MTUS2: variants seen among roughly 807,000 people sequenced by gnomAD.
MTUS2 encodes microtubule associated scaffold protein 2.
A neutral mutation model predicts 114.1 loss-of-function variants in MTUS2; 40 were observed. The ratio of observed to expected loss-of-function variants is 0.35; its 90% CI spans 0.27 to 0.46. The LOEUF is 0.46. Among genes scored for constraint, MTUS2 ranks in the 20% least tolerant of loss-of-function variants. MTUS2 has a pLI of 1.00. For missense variants in MTUS2, 1,679 were observed against 1,705.4 expected (o/e 0.98, Z 0.27); for synonymous variants, 688 against 672.0 (o/e 1.02, Z -0.37).
intron 2 of MTUS2, among the ~76,000 whole-genome samples, chr13:28,850,390 G>C (rs1362748205): frequency 6.6e-6 from 1 of 152,154 alleles, no homozygotes; most frequent in African/African-American, 2.4e-5. Context: ...TTGGCTCGTG[G>C]CAAGTTCAGG....
chr13:29,213,734 T>G (rs1398569766), intron 5 of MTUS2, among the ~76,000 whole-genome samples: 2 of 152,214 alleles, frequency 1.3e-5, no homozygotes, highest in Non-Finnish European at 2.9e-5. Flanking sequence ...TAAGTAGGCT[T>G]CTTATAGGCC....
chr13:29,169,814 A>G (rs1893477733), intron 5 of MTUS2, among the ~76,000 whole-genome samples: 1 of 152,162 alleles, frequency 6.6e-6, no homozygotes, highest in African/African-American at 2.4e-5. Flanking sequence ...AGCCACACCT[A>G]CAGGAGGTAA....
chr13:28,945,259 A>G (rs1882465526), intron 2 of MTUS2, among the ~76,000 whole-genome samples: 1 of 150,534 alleles, frequency 6.6e-6, no homozygotes, highest in Non-Finnish European at 1.5e-5. Flanking sequence ...TATCTTTGCT[A>G]TTGTGAATAG....
At chr13:28,828,112 T>C (rs1474251023) in intron 1 of MTUS2, among the ~76,000 whole-genome samples, 1 of 152,152 alleles carries the variant, frequency 6.6e-6, no homozygotes. Flanking sequence ...AAAGTGGCCA[T>C]TTCAGAGACC....
In MTUS2 at chr13:29,006,401, C is replaced by T. The variant is rs190108177; in HGVS notation, c.-242-18056C>T. Among the ~76,000 whole-genome samples the T allele has an allele frequency of 8.1e-4, 123 of 152,258 alleles. 1 individual carries two copies. The highest frequency in any genetic ancestry group is 3.4e-3 in the Middle Eastern group (1 of 292). On this transcript the variant is annotated intron_variant, in intron 2 of 15. Transcript: ENST00000612955. Reference sequence around the variant, plus strand: ...TAATGCAGTGACATAATATATACTCCGTTTATTTAGTAACCCCCCTATGGA... The same window carrying T: ...TAATGCAGTGACATAATATATACTCTGTTTATTTAGTAACCCCCCTATGGA...
chr13:29,288,321 G>A (rs952783937), intron 6 of MTUS2, among the ~76,000 whole-genome samples: 2 of 152,180 alleles, frequency 1.3e-5, no homozygotes, highest in African/African-American at 2.4e-5. Context: ...ACCAAAATGG[G>A]AGCAGCAGAT....
At chr13:28,876,817 A>T (rs533831273) in intron 2 of MTUS2, among the ~76,000 whole-genome samples, 19 of 152,300 alleles carry the variant, frequency 1.2e-4, no homozygotes, top group African/African-American at 3.8e-4. Context: ...AATGTTCCTT[A>T]TCCTCTTTGT....
At chr13:29,224,332 A>T (rs531731900) in intron 5 of MTUS2, among the ~76,000 whole-genome samples, 1 of 151,822 alleles carries the variant, frequency 6.6e-6, no homozygotes, top group South Asian at 2.1e-4. Flanking sequence ...AGTGCTTTAC[A>T]TTTTTCCAGC....
chr13:29,025,196 C>T lies in MTUS2; in HGVS notation c.498C>T (p.Thr166=), dbSNP rs755722671. Residue 166 remains threonine (T), a synonymous_variant, in exon 3 of 16, where the codon ACC becomes ACT. Transcript: ENST00000612955. The stretch of plus-strand genomic sequence containing the variant: ...TTCCCAAGGATAAACTGGCAAAGAC[C>T]CTTGACAATGAGGAACTGAGGAGGC... ...RHVPKDKLAK[T]LDNEELRRHS... The T allele has an allele frequency of 6.2e-7, 1 of 1,613,790 alleles. No individual in the cohort carries two copies.
chr13:29,234,998 ATTG>A (rs1896479313), intron 5 of MTUS2, among the ~76,000 whole-genome samples: 1 of 152,156 alleles, frequency 6.6e-6, no homozygotes, highest in African/African-American at 2.4e-5. Flanking sequence ...TTTAATGCAT[ATTG>A]TTAATGATAT....
chr13:29,469,091 G>A (rs58970654), intron 9 of MTUS2, among the ~76,000 whole-genome samples: 12,693 of 152,162 alleles, frequency 0.083, 1,619 homozygotes, highest in African/African-American at 0.28. Flanking sequence ...CAACCTCCTC[G>A]TTTGACGGAT....
chr13:28,828,294 T>C (rs952722330), intron 1 of MTUS2, among the ~76,000 whole-genome samples: 4 of 152,224 alleles, frequency 2.6e-5, no homozygotes, highest in South Asian at 2.1e-4. Context: ...ATTGCTGTTA[T>C]CCTGTTCTTT....
chr13:29,180,106 T>C (rs1285528224), intron 5 of MTUS2, among the ~76,000 whole-genome samples: 3 of 152,242 alleles, frequency 2.0e-5, no homozygotes, highest in African/African-American at 7.2e-5. Flanking sequence ...TTAATGACTT[T>C]GAATATTTCC....
chr13:29,143,393 AT>A (rs1025206611), intron 5 of MTUS2, among the ~76,000 whole-genome samples: 2 of 152,208 alleles, frequency 1.3e-5, no homozygotes, highest in African/African-American at 4.8e-5. Context: ...TGCTTAATAC[AT>A]TGTTCACAGA....
intron 2 of MTUS2, among the ~76,000 whole-genome samples, chr13:28,925,991 T>C (rs2138070221): frequency 6.6e-6 from 1 of 152,334 alleles, no homozygotes; most frequent in East Asian, 1.9e-4. Context: ...AAAAATGCTG[T>C]ACGCTTATAT....
Position 29,492,631 on chromosome 13 carries a change from A to T in MTUS2, c.3506-15A>T. ...AAAGAAAGACCAACTTGACAATTTA[A>T]TGTCTTCTTTCCAGAATTGATGTCC... On this transcript the variant is annotated splice_polypyrimidine_tract_variant and intron_variant, in intron 11 of 15. Coordinates refer to ENST00000612955, the MANE Select transcript of MTUS2 (RefSeq NM_001033602.4). 1 of 1,606,704 alleles carries T rather than the reference A, an allele frequency of 6.2e-7. No homozygotes were observed. Among genetic ancestry groups the T allele is most frequent in the African/African-American group, 1.3e-5 (1 of 74,748 alleles).
At chr13:29,223,946 C>T (rs1027394254) in intron 5 of MTUS2, among the ~76,000 whole-genome samples, 6 of 152,232 alleles carry the variant, frequency 3.9e-5, no homozygotes, top group Non-Finnish European at 7.3e-5. Flanking sequence ...ACGGAACCAG[C>T]GCCTGTGCTG....
intron 5 of MTUS2, among the ~76,000 whole-genome samples, chr13:29,141,129 C>T (rs1235824760): frequency 6.6e-6 from 1 of 151,988 alleles, no homozygotes; most frequent in African/African-American, 2.4e-5. Flanking sequence ...CAAACTTTAC[C>T]CACTTATATT....
chr13:28,956,419 T>C (rs1883069700), intron 2 of MTUS2, among the ~76,000 whole-genome samples: 1 of 152,154 alleles, frequency 6.6e-6, no homozygotes, highest in Non-Finnish European at 1.5e-5. Flanking sequence ...CTGGTCTACC[T>C]GCTCCACCCC....
Sources: allele counts gnomAD v4.1 joint callset (sites outside exome capture counted in the v4.1 genomes callset), GRCh38; gene constraint gnomAD v4.1.1; transcripts MANE v1.5; gene names NCBI Gene and HGNC (gene_info 2026-07-23, HGNC 2026-07-21).